The following RBMS3 variants were observed in gnomAD, a reference collection of about 807,000 sequenced individuals.
RBMS3 encodes RNA binding motif single stranded interacting protein 3, also known as RNA-binding motif, single-stranded-interacting protein 3.
In RBMS3, 27 loss-of-function variants were observed where a neutral mutation model predicts 66.8. The ratio of observed to expected loss-of-function variants is 0.40; its 90% CI spans 0.30 to 0.56. The LOEUF is 0.56. Ranked by LOEUF, RBMS3 falls within the 20% of genes least tolerant of loss-of-function variation. The pLI is 0.40. For missense variants in RBMS3, 513 were observed against 549.5 expected (o/e 0.93, Z 0.66); for synonymous variants, 188 against 183.0 (o/e 1.03, Z -0.22).
intron 14 of RBMS3, among the ~76,000 whole-genome samples, chr3:30,002,384 T>C (rs1347879070): frequency 6.6e-6 from 1 of 151,276 alleles, no homozygotes. Context: ...GAACAGACTC[T>C]CCCCCAACAC....
At chr3:29,668,797 G>A (rs971889562) in intron 4 of RBMS3, among the ~76,000 whole-genome samples, 22 of 152,116 alleles carry the variant, frequency 1.4e-4, no homozygotes, top group African/African-American at 5.1e-4. Flanking sequence ...GCTATTTTTT[G>A]AAATTTTAAT....
At chr3:29,395,718 GAC>G (rs946418341) in intron 1 of RBMS3, among the ~76,000 whole-genome samples, 2 of 152,080 alleles carry the variant, frequency 1.3e-5, no homozygotes, top group Admixed American at 6.6e-5. Context: ...TAAAAACAAA[GAC>G]ATGTTTTAAA....
chr3:29,987,587 T>C (rs1016007574), intron 12 of RBMS3, among the ~76,000 whole-genome samples: 21 of 152,216 alleles, frequency 1.4e-4, no homozygotes, highest in Non-Finnish European at 2.6e-4. Flanking sequence ...TTATCTGTAA[T>C]ACTCCATTTT....
intron 1 of RBMS3, among the ~76,000 whole-genome samples, chr3:29,386,006 T>A (rs1559537849): frequency 6.6e-6 from 1 of 152,214 alleles, no homozygotes; most frequent in Non-Finnish European, 1.5e-5. Context: ...AGCCATTATT[T>A]CATGAAAAAC....
rs539717074 is a variant in RBMS3, at chr3:29,410,967, T to TTA, written c.76-23776_76-23775insTA. 3.7e-5 allele frequency among the ~76,000 whole-genome samples: 5 copies of TTA among 135,944 alleles called. No homozygotes were observed. In the East Asian group the frequency reaches 1.1e-3, roughly 29 times the overall value. 89.2% of individuals were successfully genotyped at this position (135,944 alleles called of 152,430 possible). ...TTCATGATTCCTATCCCTTTCTTCT[T>TTA]AAAAAAAAAAAAAAAGCAACACAAC... On this transcript the variant is annotated intron_variant, in intron 1 of 14. Transcript: ENST00000383767.
intron 1 of RBMS3, chr3:29,290,731 C>G (rs138913986): frequency 1.3e-5 from 2 of 151,868 alleles, no homozygotes; most frequent in East Asian, 3.9e-4. Context: ...CTTTCTGACT[C>G]GTGTTTAACT....
At chr3:29,709,142 T>C (rs1485883764) in intron 4 of RBMS3, among the ~76,000 whole-genome samples, 1 of 152,072 alleles carries the variant, frequency 6.6e-6, no homozygotes, top group Admixed American at 6.6e-5. Flanking sequence ...CCAAAACCTC[T>C]CCTTAATACA....
At chr3:29,414,368 G>A (rs1028797770) in intron 1 of RBMS3, among the ~76,000 whole-genome samples, 1 of 152,154 alleles carries the variant, frequency 6.6e-6, no homozygotes, top group African/African-American at 2.4e-5. Flanking sequence ...GCTTCTTACT[G>A]CACTTTCATT....
intron 10 of RBMS3, among the ~76,000 whole-genome samples, chr3:29,902,542 C>A (rs1438156809): frequency 6.6e-6 from 1 of 151,016 alleles, no homozygotes; most frequent in South Asian, 2.1e-4. Flanking sequence ...ACATTCAACA[C>A]CTAAAACTTA....
intron 4 of RBMS3, among the ~76,000 whole-genome samples, chr3:29,626,825 A>T (rs1004982383): frequency 6.6e-6 from 1 of 152,178 alleles, no homozygotes; most frequent in Non-Finnish European, 1.5e-5. Context: ...TTCATTACCA[A>T]CTAAATCACT....
intron 6 of RBMS3, chr3:29,766,494 A>G (rs2055934329): frequency 1.3e-5 from 2 of 152,026 alleles, no homozygotes; most frequent in Non-Finnish European, 2.9e-5. Flanking sequence ...CTAATTAAAT[A>G]TGATTCATGT....
intron 6 of RBMS3, among the ~76,000 whole-genome samples, chr3:29,786,946 A>G (rs2056841398): frequency 6.6e-6 from 1 of 152,148 alleles, no homozygotes; most frequent in Non-Finnish European, 1.5e-5. Context: ...CTGAAAAAGG[A>G]CTAATATCCA....
intron 6 of RBMS3, among the ~76,000 whole-genome samples, chr3:29,796,753 C>T (rs895959100): frequency 1.5e-5 from 2 of 133,172 alleles, no homozygotes; most frequent in African/African-American, 6.2e-5. Context: ...TGCTCTGTCA[C>T]CCAGGCTGGA....
chr3:29,443,129 T>C (rs1171022889), intron 2 of RBMS3, among the ~76,000 whole-genome samples: 1 of 152,140 alleles, frequency 6.6e-6, no homozygotes, highest in Non-Finnish European at 1.5e-5. Context: ...TTCTTGGACT[T>C]ATCCCTTCTT....
At chr3:29,368,208 G>A (rs145484298) in intron 1 of RBMS3, among the ~76,000 whole-genome samples, 13 of 152,284 alleles carry the variant, frequency 8.5e-5, no homozygotes, top group African/African-American at 3.1e-4. Context: ...TTAGAAGTGG[G>A]TCTGACATTG....
intron 2 of RBMS3, among the ~76,000 whole-genome samples, chr3:29,451,480 A>G (rs1029335531): frequency 2.0e-5 from 3 of 152,242 alleles, no homozygotes; most frequent in African/African-American, 7.2e-5. Flanking sequence ...CCACTCAACC[A>G]GCATCTTAGT....
At position 29,377,598 on chromosome 3, in the gene RBMS3, AAG is replaced by A. The variant is rs561020830; in HGVS notation, c.76-57140_76-57139del. Among the ~76,000 whole-genome samples the A allele has an allele frequency of 6.6e-5, 10 of 152,292 alleles. No individual in the cohort carries two copies. The South Asian group carries it at 2.1e-3, about 32-fold the overall frequency. ...CCCTCTGAGCAGTTTATCTCTAACCAAGAGAGGTATTCCTTTCCAAGAGTTCC... is the reference window on the plus strand; with the variant it reads ...CCCTCTGAGCAGTTTATCTCTAACCAAGAGGTATTCCTTTCCAAGAGTTCC... On this transcript the variant is annotated intron_variant, in intron 1 of 14. Transcript: ENST00000383767.
At chr3:29,689,161 T>C (rs2051867307) in intron 4 of RBMS3, among the ~76,000 whole-genome samples, 1 of 152,116 alleles carries the variant, frequency 6.6e-6, no homozygotes, top group Non-Finnish European at 1.5e-5. Context: ...TTAGAGCTTG[T>C]ATATTTCATC....
At chr3:29,870,675 T>C (rs1159430738) in intron 7 of RBMS3, among the ~76,000 whole-genome samples, 3 of 152,136 alleles carry the variant, frequency 2.0e-5, no homozygotes, top group African/African-American at 7.2e-5. Context: ...ACTGTGGAGT[T>C]GAGTTTAGGA....
Sources: gnomAD v4.1 joint callset for allele counts (sites outside exome capture counted in the v4.1 genomes callset) on GRCh38, gnomAD v4.1.1 for gene constraint, MANE v1.5 for transcripts, NCBI Gene and HGNC (gene_info 2026-07-23, HGNC 2026-07-21) for gene names.